AKAP7: variants seen among roughly 807,000 people sequenced by gnomAD.
AKAP7 encodes the protein A-kinase anchoring protein 7.
AKAP7 carries 39 observed loss-of-function variants against 39.5 expected under a neutral mutation model. That is an observed-to-expected ratio of 0.99 (90% CI 0.76 to 1.29). The LOEUF (loss-of-function observed/expected upper bound fraction) is 1.29, where lower values mean the gene tolerates loss of function less well. Ranked by LOEUF, AKAP7 falls within the 50% of genes most tolerant of loss-of-function variation. AKAP7 has a pLI of 0.00. For synonymous variants in AKAP7, 140 were observed against 139.1 expected (o/e 1.01, Z -0.05); for missense variants, 414 against 407.7 (o/e 1.02, Z -0.13).
At chr6:131,215,170 A>G (rs1019521516) in intron 6 of AKAP7, among the ~76,000 whole-genome samples, 8 of 152,074 alleles carry the variant, frequency 5.3e-5, no homozygotes, top group African/African-American at 1.4e-4. Flanking sequence ...TGACTTTTCT[A>G]TTTTTCATCA....
At chr6:131,192,754 A>G (rs1274169318) in intron 5 of AKAP7, among the ~76,000 whole-genome samples, 3 of 152,136 alleles carry the variant, frequency 2.0e-5, no homozygotes, top group South Asian at 2.1e-4. Flanking sequence ...GCTGTCTTCA[A>G]TTTATCTAAT....
intron 2 of AKAP7, among the ~76,000 whole-genome samples, chr6:131,152,205 CT>C (rs1281291975): frequency 6.6e-6 from 1 of 152,150 alleles, no homozygotes; most frequent in African/African-American, 2.4e-5. Flanking sequence ...CAACTGATGA[CT>C]TTTTTGCTAA....
At chr6:131,239,402 G>A (rs1304396169) in intron 7 of AKAP7, among the ~76,000 whole-genome samples, 4 of 152,028 alleles carry the variant, frequency 2.6e-5, no homozygotes, top group South Asian at 2.1e-4. Flanking sequence ...TGCTCTTCTC[G>A]AGGAGTATCT....
At chr6:131,277,648 G>A (rs1166103736) in intron 7 of AKAP7, among the ~76,000 whole-genome samples, 1 of 152,176 alleles carries the variant, frequency 6.6e-6, no homozygotes, top group Non-Finnish European at 1.5e-5. Context: ...AGGTCTGCTA[G>A]GAGTGGGAAC....
At chr6:131,135,813 G>T in intron 1 of AKAP7, 31 bp downstream of exon 1, 1 of 1,225,184 alleles carries the variant, frequency 8.2e-7, no homozygotes, top group East Asian at 3.2e-5. Flanking sequence ...GGGCCGGGGC[G>T]GGGGCGACAG....
At chr6:131,156,720 T>A (rs1377640850) in intron 2 of AKAP7, among the ~76,000 whole-genome samples, 2 of 151,774 alleles carry the variant, frequency 1.3e-5, no homozygotes, top group Non-Finnish European at 2.9e-5. Flanking sequence ...GTGCAAGTGG[T>A]CTAGATGAGT....
chr6:131,179,625 TG>T (rs928900809), intron 5 of AKAP7, among the ~76,000 whole-genome samples: 5 of 152,170 alleles, frequency 3.3e-5, no homozygotes, highest in Non-Finnish European at 5.9e-5. Context: ...CCCAGCACTC[TG>T]GGGGCCTGAG....
At chr6:131,183,348 G>A (rs1452229786) in intron 5 of AKAP7, among the ~76,000 whole-genome samples, 2 of 152,160 alleles carry the variant, frequency 1.3e-5, no homozygotes, top group Non-Finnish European at 2.9e-5. Flanking sequence ...GGATGTCTGT[G>A]TGGCTTCCCC....
intron 7 of AKAP7, among the ~76,000 whole-genome samples, chr6:131,224,317 C>T (rs1364779207): frequency 6.6e-6 from 1 of 152,016 alleles, no homozygotes; most frequent in Non-Finnish European, 1.5e-5. Flanking sequence ...ATTTAATTGG[C>T]CTACCTTGGT....
chr6:131,167,172 A>C (rs1452779384), intron 4 of AKAP7, among the ~76,000 whole-genome samples: 1 of 152,144 alleles, frequency 6.6e-6, no homozygotes, highest in African/African-American at 2.4e-5. Context: ...ACTTTACCTT[A>C]AAGAAGCCTT....
At chr6:131,266,585 G>A (rs1813815969) in intron 7 of AKAP7, among the ~76,000 whole-genome samples, 1 of 152,016 alleles carries the variant, frequency 6.6e-6, no homozygotes, top group South Asian at 2.1e-4. Context: ...ATTGATAATT[G>A]TAGGCCACTG....
In AKAP7 at chr6:131,240,768, A is replaced by G. The variant is rs372268211; in HGVS notation, c.850+20960A>G. Among the ~76,000 whole-genome samples the G allele has an allele frequency of 1.8e-4, 28 of 152,326 alleles. No homozygotes were observed. In the East Asian group the frequency reaches 2.1e-3, roughly 12 times the overall value. On this transcript the variant is annotated intron_variant, in intron 7 of 7. Coordinates refer to ENST00000431975, the MANE Select transcript of AKAP7 (RefSeq NM_016377.4). ...AAGACTGTTGGAAAAGTGCAGTATTAGGGTGGGAGTGACCCAATTTTCCAG... is the reference window on the plus strand; with the variant it reads ...AAGACTGTTGGAAAAGTGCAGTATTGGGGTGGGAGTGACCCAATTTTCCAG...
chr6:131,268,634 T>G (rs1158949849), intron 7 of AKAP7, among the ~76,000 whole-genome samples: 1 of 152,196 alleles, frequency 6.6e-6, no homozygotes, highest in Non-Finnish European at 1.5e-5. Flanking sequence ...ATGGCAACAT[T>G]TATTCTGCCG....
In AKAP7 at chr6:131,282,575, G is replaced by A; in HGVS notation, c.*849G>A. 6 of 1,535,770 alleles carry A rather than the reference G, an allele frequency of 3.9e-6. No homozygotes were observed. The highest frequency in any genetic ancestry group is 5.2e-6 in the Non-Finnish European group (6 of 1,146,716). On this transcript the variant is annotated 3_prime_UTR_variant, in exon 8 of 8. Coordinates refer to ENST00000431975, the MANE Select transcript of AKAP7 (RefSeq NM_016377.4). ...TATTAACAACAGTAATTCAGCAAAT[G>A]ACGTTGATTTCAGCACAACTTTGAC...
In AKAP7 at chr6:131,213,436, A is replaced by G. The variant is rs899640592; in HGVS notation, c.703-6225A>G. On this transcript the variant is annotated intron_variant, in intron 6 of 7. Transcript: ENST00000431975. ...GTAAGTGTATGTGGGAGATTGTTTT[A>G]TTTTTGATGTATGGAAATAAATGGT... Among the ~76,000 whole-genome samples the G allele has an allele frequency of 3.3e-5, 5 of 152,218 alleles. No individual in the cohort carries two copies. The East Asian group carries it at 9.6e-4, about 29-fold the overall frequency.
chr6:131,136,968 A>T, intron 1 of AKAP7: 3 of 689,972 alleles, frequency 4.3e-6, no homozygotes, highest in Non-Finnish European at 5.4e-6. Flanking sequence ...ATATATGTAT[A>T]TATGTATTTA....
intron 6 of AKAP7, among the ~76,000 whole-genome samples, chr6:131,215,903 C>G (rs1490696859): frequency 6.6e-6 from 1 of 152,186 alleles, no homozygotes; most frequent in African/African-American, 2.4e-5. Flanking sequence ...GTCATTATCA[C>G]AGGAAATGTG....
intron 7 of AKAP7, among the ~76,000 whole-genome samples, chr6:131,256,230 T>C (rs1812837243): frequency 6.6e-6 from 1 of 152,192 alleles, no homozygotes. Flanking sequence ...GCAGCAGGAA[T>C]GGTGTGCAAG....
chr6:131,267,595 C>T (rs1051272369), intron 7 of AKAP7, among the ~76,000 whole-genome samples: 3 of 152,134 alleles, frequency 2.0e-5, no homozygotes, highest in African/African-American at 7.2e-5. Flanking sequence ...CATCATTCTC[C>T]TCCCGCCCAC....
Sources: allele counts gnomAD v4.1 joint callset (sites outside exome capture counted in the v4.1 genomes callset), GRCh38; gene constraint gnomAD v4.1.1; transcripts MANE v1.5; gene names NCBI Gene and HGNC (gene_info 2026-07-23, HGNC 2026-07-21).